Variants in LIPC observed in about 807,000 individuals in gnomAD.
The protein encoded by LIPC is lipase C, hepatic type, also known as hepatic triacylglycerol lipase.
LIPC carries 44 observed loss-of-function variants against 50.7 expected under a neutral mutation model. The ratio of observed to expected loss-of-function variants is 0.87; its 90% CI spans 0.68 to 1.11. The LOEUF (loss-of-function observed/expected upper bound fraction) is 1.11, where lower values mean the gene tolerates loss of function less well. LIPC is among the 50% of genes most tolerant of loss of function. LIPC has a pLI of 0.00. For missense variants in LIPC, 697 were observed against 648.2 expected (o/e 1.08, Z -0.82); for synonymous variants, 271 against 256.4 (o/e 1.06, Z -0.54).
At chr15:58,553,697 C>T (rs1189732276) in intron 6 of LIPC, among the ~76,000 whole-genome samples, 4 of 152,308 alleles carry the variant, frequency 2.6e-5, no homozygotes, top group South Asian at 2.1e-4. Context: ...AATGTGGCCA[C>T]GAAAATACCG....
chr15:58,563,806 A>G lies in LIPC; in HGVS notation c.1388+83A>G. ...GTCTCACAATTTAATACTCACATTC[A>G]TCATGTGAGGTGAGTATTATTAGGC... is the stretch of plus-strand genomic sequence containing the variant. On this transcript the variant is annotated intron_variant, in intron 8 of 8. Transcript: ENST00000299022. The G allele has an allele frequency of 4.5e-6, 5 of 1,107,912 alleles. No individual in the cohort carries two copies. In the South Asian group the frequency reaches 5.3e-5, roughly 12 times the overall value. 68.6% of individuals were successfully genotyped at this position (1,107,912 alleles called of 1,614,324 possible).
chr15:58,537,619 G>A (rs1276781229), intron 1 of LIPC, among the ~76,000 whole-genome samples: 8 of 151,932 alleles, frequency 5.3e-5, no homozygotes, highest in South Asian at 2.1e-4. Context: ...TGTGAGCCTC[G>A]ACTCATGTTG....
rs201884460 is a variant in LIPC at position 58,440,818 on chromosome 15, G to GA, written c.88+8706dup. Among the ~76,000 whole-genome samples, 1,135 of 151,954 alleles carry GA rather than the reference G, an allele frequency of 7.5e-3. 13 individuals carry two copies. The highest frequency in any genetic ancestry group is 0.025 in the African/African-American group (1,045 of 41,428). On this transcript the variant is annotated intron_variant, in intron 1 of 8. Coordinates refer to ENST00000299022, the MANE Select transcript of LIPC (RefSeq NM_000236.3). ...AGTGGAAGGACATTGTAAGCAGAGG[G>GA]AAAAAAAACATGAACCAGCCTTGCT...
At position 58,548,448 on chromosome 15, in the gene LIPC, C is replaced by T. The variant is rs765313290; in HGVS notation, c.927C>T (p.Ser309=). The change falls in exon 6 of 9, where the codon AGC becomes AGT. Residue 309 remains serine, a synonymous_variant. Transcript: ENST00000299022. ...AYPCGDMNSF[S]QGLCLSCKKG... is the part of the protein sequence containing the mutation. ...CGTGTGGTGACATGAACAGCTTCAG[C>T]CAGGGCCTGTGCCTGAGCTGCAAGA... 3.1e-6 allele frequency: 5 copies of T among 1,613,872 alleles called. No homozygotes were observed. Among genetic ancestry groups the T allele is most frequent in the Non-Finnish European group, 2.5e-6 (3 of 1,179,890 alleles).
chr15:58,545,781 C>T lies in LIPC; in HGVS notation c.614C>T (p.Pro205Leu), dbSNP rs752656256. 6 of 1,614,214 alleles carry T rather than the reference C, an allele frequency of 3.7e-6. No homozygotes were observed. Among genetic ancestry groups the T allele is most frequent in the Admixed American group, 3.3e-5 (2 of 60,030 alleles). The change falls in exon 5 of 9, where the codon CCC becomes CTC. Residue 205 changes from proline (P) to leucine (L), a missense_variant. Physicochemically the swap from Pro to Leu is moderately conservative, Grantham distance 98. Transcript: ENST00000299022. Reference protein sequence around the residue: ...AAGPLFEGSAPSNRLSPDDAN... With the variant: ...AAGPLFEGSALSNRLSPDDAN... ...GGACCTTTGTTTGAGGGAAGTGCCC[C>T]CAGCAATCGTCTTTCTCCAGATGAT...
chr15:58,482,069 T>C (rs1243057122), intron 1 of LIPC, among the ~76,000 whole-genome samples: 1 of 152,218 alleles, frequency 6.6e-6, no homozygotes, highest in Non-Finnish European at 1.5e-5. Flanking sequence ...GGACTAAATT[T>C]TTTAGCAAGT....
chr15:58,446,058 G>T (rs917059359), intron 1 of LIPC, among the ~76,000 whole-genome samples: 6 of 152,158 alleles, frequency 3.9e-5, no homozygotes, highest in Non-Finnish European at 7.3e-5. Context: ...TATATTTGCT[G>T]TATGTGCATA....
intron 1 of LIPC, among the ~76,000 whole-genome samples, chr15:58,524,062 T>C (rs74019120): frequency 0.042 from 6,417 of 151,910 alleles, 489 homozygotes; most frequent in African/African-American, 0.15. Flanking sequence ...TCCATATCCA[T>C]TCCCTCCTCC....
chr15:58,478,270 G>A (rs563516051), intron 1 of LIPC, among the ~76,000 whole-genome samples: 1 of 152,172 alleles, frequency 6.6e-6, no homozygotes, highest in African/African-American at 2.4e-5. Context: ...AGACAGTCAC[G>A]CTCCATCACC....
chr15:58,454,125 C>T (rs1894020341), intron 1 of LIPC, among the ~76,000 whole-genome samples: 2 of 152,158 alleles, frequency 1.3e-5, no homozygotes, highest in Admixed American at 1.3e-4. Context: ...CCAGTGACTC[C>T]TGAGCACCTG....
intron 8 of LIPC, chr15:58,565,259 C>T: frequency 6.5e-7 from 1 of 1,535,622 alleles, no homozygotes; most frequent in Non-Finnish European, 8.7e-7. Flanking sequence ...GACTCTTTGG[C>T]CCATTGGAGC....
chr15:58,567,329 A>G (rs78220635), intron 8 of LIPC, among the ~76,000 whole-genome samples: 501 of 23,482 alleles, frequency 0.021, 3 homozygotes, highest in South Asian at 0.052. Context: ...ATGTGTATAT[A>G]TATATATATG....
intron 1 of LIPC, among the ~76,000 whole-genome samples, chr15:58,488,742 T>C (rs1166610822): frequency 2.6e-5 from 4 of 152,148 alleles, no homozygotes; most frequent in Admixed American, 2.0e-4. Context: ...GTAAAAAGAA[T>C]TGTACAGATG....
intron 4 of LIPC, 95 bp downstream of exon 4, chr15:58,542,746 C>A: frequency 6.2e-6 from 5 of 811,366 alleles, no homozygotes; most frequent in Non-Finnish European, 1.1e-5. Flanking sequence ...TAAAACACCC[C>A]AACACTTATT....
At chr15:58,470,733 G>A (rs570447403) in intron 1 of LIPC, among the ~76,000 whole-genome samples, 1 of 151,990 alleles carries the variant, frequency 6.6e-6, no homozygotes, top group Non-Finnish European at 1.5e-5. Flanking sequence ...CCCAGTAGCT[G>A]GGACTACAGG....
At chr15:58,530,795 G>C (rs180826472) in intron 1 of LIPC, among the ~76,000 whole-genome samples, 3 of 152,242 alleles carry the variant, frequency 2.0e-5, no homozygotes, top group Admixed American at 1.3e-4. Flanking sequence ...CTTTCACTTA[G>C]CTTTATGCAT....
intron 1 of LIPC, among the ~76,000 whole-genome samples, chr15:58,476,892 C>T (rs75231074): frequency 2.1e-3 from 322 of 152,316 alleles, no homozygotes; most frequent in Middle Eastern, 6.8e-3. Flanking sequence ...TTTGCCTGTG[C>T]GTTTCTGTCG....
At chr15:58,439,814 G>T (rs1893443226) in intron 1 of LIPC, among the ~76,000 whole-genome samples, 1 of 152,144 alleles carries the variant, frequency 6.6e-6, no homozygotes, top group Non-Finnish European at 1.5e-5. Flanking sequence ...GGTAGACTTG[G>T]ATATTTACGT....
rs532788291 is a variant in LIPC at position 58,484,549 on chromosome 15, C to A, written c.88+52429C>A. 3.9e-5 allele frequency among the ~76,000 whole-genome samples: 6 copies of A among 152,252 alleles called. No individual in the cohort carries two copies. The South Asian group carries it at 1.2e-3, about 31-fold the overall frequency. ...TTAATTCATTTAATCCTCACAGCAACCCACTGAGATGAATACTATTCTTAT... is the reference window on the plus strand; with the variant it reads ...TTAATTCATTTAATCCTCACAGCAAACCACTGAGATGAATACTATTCTTAT... On this transcript the variant is annotated intron_variant, in intron 1 of 8. Coordinates refer to ENST00000299022, the MANE Select transcript of LIPC (RefSeq NM_000236.3).
Sources: allele counts gnomAD v4.1 joint callset (sites outside exome capture counted in the v4.1 genomes callset), GRCh38; gene constraint gnomAD v4.1.1; transcripts MANE v1.5; gene names NCBI Gene and HGNC (gene_info 2026-07-23, HGNC 2026-07-21).